Variants in CCDC60 observed in about 807,000 individuals in gnomAD.
CCDC60 encodes coiled-coil domain containing 60.
CCDC60 carries 54 observed loss-of-function variants against 63.5 expected under a neutral mutation model. That is an observed-to-expected ratio of 0.85 (90% confidence interval 0.68 to 1.07). The LOEUF is 1.07. Ranked by LOEUF, CCDC60 falls within the 50% of genes least tolerant of loss-of-function variation. The pLI, the probability that CCDC60 is intolerant of heterozygous loss-of-function variation, is 0.00. For missense variants in CCDC60, 651 were observed against 684.3 expected (o/e 0.95, Z 0.54); for synonymous variants, 206 against 238.8 (o/e 0.86, Z 1.27).
At chr12:119,357,847 C>A (rs1801301971) in intron 1 of CCDC60, among the ~76,000 whole-genome samples, 1 of 152,140 alleles carries the variant, frequency 6.6e-6, no homozygotes, top group Admixed American at 6.5e-5. Flanking sequence ...GAATAATTTA[C>A]AAAGGAAAGT....
intron 2 of CCDC60, among the ~76,000 whole-genome samples, chr12:119,440,446 C>T (rs1297034667): frequency 2.0e-5 from 3 of 152,064 alleles, no homozygotes; most frequent in Non-Finnish European, 2.9e-5. Flanking sequence ...AGGAGAATGG[C>T]GTTAACCCGG....
intron 1 of CCDC60, among the ~76,000 whole-genome samples, chr12:119,358,972 C>T (rs879379992): frequency 1.2e-4 from 18 of 152,096 alleles, no homozygotes; most frequent in Non-Finnish European, 2.4e-4. Context: ...AATTGCTGGC[C>T]AGAGGAAATG....
Position 119,516,570 on chromosome 12 carries a change from T to A in CCDC60, c.884-53T>A, listed in dbSNP as rs145335959. 5,723 of 1,304,358 alleles carry A rather than the reference T, an allele frequency of 4.4e-3. 167 individuals carry two copies. The East Asian group carries it at 0.051, about 12-fold the overall frequency. The allele number at this position is 1,304,358 out of a possible 1,614,324, so 80.8% of individuals were successfully genotyped here. On this transcript the variant is annotated intron_variant, in intron 7 of 13. Transcript: ENST00000327554. ...GGGGGCTGCACCCTGTTCTGCACAA[T>A]CCTGTCTCAGGGGTGGCTTCTGGTC...
chr12:119,403,335 G>C (rs1209685133), intron 1 of CCDC60, among the ~76,000 whole-genome samples: 3 of 152,200 alleles, frequency 2.0e-5, no homozygotes, highest in African/African-American at 7.2e-5. Flanking sequence ...TGGAAGGTGA[G>C]AGAGGAAGGC....
At chr12:119,479,429 C>A (rs1197561674) in intron 4 of CCDC60, 13 of 512,784 alleles carry the variant, frequency 2.5e-5, no homozygotes, top group Non-Finnish European at 3.9e-5. Context: ...TCATTTCTTG[C>A]CAAGCCAGAC....
At chr12:119,358,635 T>C (rs1318453970) in intron 1 of CCDC60, among the ~76,000 whole-genome samples, 5 of 152,176 alleles carry the variant, frequency 3.3e-5, no homozygotes, top group African/African-American at 1.2e-4. Context: ...CATCCTGACC[T>C]CTATCACCAT....
At chr12:119,470,677 G>A (rs1022282734) in intron 2 of CCDC60, among the ~76,000 whole-genome samples, 4 of 152,138 alleles carry the variant, frequency 2.6e-5, no homozygotes, top group African/African-American at 4.8e-5. Flanking sequence ...AGACATGAGA[G>A]GAGAGGAAGA....
At chr12:119,524,994 T>A (rs1952647677) in intron 11 of CCDC60, among the ~76,000 whole-genome samples, 2 of 152,050 alleles carry the variant, frequency 1.3e-5, no homozygotes, top group Admixed American at 6.5e-5. Flanking sequence ...TTAATAAACA[T>A]AGATGATATT....
At chr12:119,457,693 A>G (rs1210652456) in intron 2 of CCDC60, among the ~76,000 whole-genome samples, 1 of 151,346 alleles carries the variant, frequency 6.6e-6, no homozygotes, top group Non-Finnish European at 1.5e-5. Context: ...GCATGCTGAC[A>G]AAGATATTAA....
chr12:119,535,471 G>A (rs1368017996), intron 13 of CCDC60, among the ~76,000 whole-genome samples: 4 of 152,042 alleles, frequency 2.6e-5, no homozygotes, highest in Non-Finnish European at 4.4e-5. Flanking sequence ...GAATTTGTTT[G>A]CTCTTGCTTG....
chr12:119,472,877 G>A lies in CCDC60; in HGVS notation c.341+713G>A, dbSNP rs190275858. On this transcript the variant is annotated intron_variant, in intron 3 of 13. Transcript: ENST00000327554. Reference sequence around the variant, plus strand: ...ATTACAAGTGTGAGCCACCACGCCCGGCCTCCTTTTTTTGTAAAGGACTTT... The same window carrying A: ...ATTACAAGTGTGAGCCACCACGCCCAGCCTCCTTTTTTTGTAAAGGACTTT... Among the ~76,000 whole-genome samples the A allele has an allele frequency of 3.0e-3, 463 of 152,048 alleles. 5 individuals carry two copies. Among genetic ancestry groups the A allele is most frequent in the Non-Finnish European group, 3.2e-3 (217 of 67,980 alleles).
At chr12:119,381,000 A>T (rs932579629) in intron 1 of CCDC60, among the ~76,000 whole-genome samples, 3 of 152,146 alleles carry the variant, frequency 2.0e-5, no homozygotes, top group African/African-American at 7.2e-5. Flanking sequence ...AGAGATGGCA[A>T]ATATCCTGAA....
At chr12:119,512,785 T>C (rs757378522) in intron 7 of CCDC60, among the ~76,000 whole-genome samples, 2 of 152,348 alleles carry the variant, frequency 1.3e-5, no homozygotes, top group South Asian at 2.1e-4. Context: ...TGCAATCAGG[T>C]TGCACCACTA....
Position 119,523,018 on chromosome 12 carries a change from A to G in CCDC60, c.1103+17A>G, listed in dbSNP as rs761235737. On this transcript the variant is annotated intron_variant, in intron 10 of 13. Transcript: ENST00000327554. Reference sequence around the variant, plus strand: ...GTCTAAAAAGTAAGCCAGGAGGGCAATGGAAGGAACCACGCAAGAGGGAAT... The same window carrying G: ...GTCTAAAAAGTAAGCCAGGAGGGCAGTGGAAGGAACCACGCAAGAGGGAAT... 3.1e-6 allele frequency: 5 copies of G among 1,612,608 alleles called. No homozygotes were observed. The highest frequency in any genetic ancestry group is 8.5e-7 in the Non-Finnish European group (1 of 1,178,682).
At position 119,479,272 on chromosome 12, in the gene CCDC60, C is replaced by T. The variant is rs191404265; in HGVS notation, c.449+71C>T. ...TTGAAGCCGAACTGAAATGACTCAA[C>T]GAGCTGTCATGTCAGTAGCTGTTCC... On this transcript the variant is annotated intron_variant, in intron 4 of 13. Transcript: ENST00000327554. 1.9e-4 allele frequency: 204 copies of T among 1,062,890 alleles called. No homozygotes were observed. The East Asian group carries it at 3.2e-3, about 17-fold the overall frequency. 65.8% of individuals were successfully genotyped at this position (1,062,890 alleles called of 1,614,324 possible).
At chr12:119,514,371 A>G (rs1289996956) in intron 7 of CCDC60, among the ~76,000 whole-genome samples, 1 of 144,586 alleles carries the variant, frequency 6.9e-6, no homozygotes, top group African/African-American at 2.6e-5. Context: ...TATTTTTAGT[A>G]GAGACAGGAT....
intron 1 of CCDC60, among the ~76,000 whole-genome samples, chr12:119,359,643 C>T (rs1247995179): frequency 6.7e-6 from 1 of 150,160 alleles, no homozygotes; most frequent in Non-Finnish European, 1.5e-5. Flanking sequence ...AACAAGTGAA[C>T]AAAGGTCTCT....
chr12:119,358,439 C>T (rs955225563), intron 1 of CCDC60, among the ~76,000 whole-genome samples: 14 of 152,280 alleles, frequency 9.2e-5, no homozygotes, highest in South Asian at 6.2e-4. Flanking sequence ...CAAGATGCCA[C>T]GCCAGCCCCT....
chr12:119,502,875 T>A (rs1342501846), intron 6 of CCDC60, among the ~76,000 whole-genome samples: 1 of 152,100 alleles, frequency 6.6e-6, no homozygotes, highest in Admixed American at 6.6e-5. Context: ...CCTTCAAAAA[T>A]TACATTGATT....
Sources: gnomAD v4.1 joint callset for allele counts (sites outside exome capture counted in the v4.1 genomes callset) on GRCh38, gnomAD v4.1.1 for gene constraint, MANE v1.5 for transcripts, NCBI Gene and HGNC (gene_info 2026-07-23, HGNC 2026-07-21) for gene names.